CABIN1: variants seen among roughly 807,000 people sequenced by gnomAD.
CABIN1 encodes the protein calcineurin binding protein 1.
CABIN1 carries 133 observed loss-of-function variants against 227.7 expected under a neutral mutation model. That is an observed-to-expected ratio of 0.58 (90% CI 0.51 to 0.67). The LOEUF is 0.67. Ranked by LOEUF, CABIN1 falls within the 30% of genes least tolerant of loss-of-function variation. CABIN1 has a pLI of 0.00. For synonymous variants in CABIN1, 1,086 were observed against 1,155.1 expected (o/e 0.94, Z 1.21); for missense variants, 2,408 against 2,852.5 (o/e 0.84, Z 3.55).
chr22:24,132,195 C>T (rs781144517), intron 28 of CABIN1, among the ~76,000 whole-genome samples: 5 of 152,208 alleles, frequency 3.3e-5, no homozygotes, highest in Non-Finnish European at 4.4e-5. Context: ...AACCAAGTGT[C>T]GCAGTGGGTC....
chr22:24,018,366 T>C (rs2035459658), intron 1 of CABIN1, among the ~76,000 whole-genome samples: 1 of 152,190 alleles, frequency 6.6e-6, no homozygotes, highest in Non-Finnish European at 1.5e-5. Context: ...TATTTGGCCC[T>C]TCTCTACTAC....
At chr22:24,015,180 C>T (rs1023691836) in intron 1 of CABIN1, among the ~76,000 whole-genome samples, 3 of 141,576 alleles carry the variant, frequency 2.1e-5, no homozygotes, top group Non-Finnish European at 4.5e-5. Flanking sequence ...GCTGGAGAAT[C>T]GCTTGAACCT....
At chr22:24,158,840 C>G (rs1037109082) in intron 29 of CABIN1, among the ~76,000 whole-genome samples, 4 of 152,186 alleles carry the variant, frequency 2.6e-5, no homozygotes, top group African/African-American at 9.7e-5. Flanking sequence ...CATAAACTCT[C>G]CAATGCCTAC....
In CABIN1 at chr22:24,012,879, G is replaced by C. The variant is rs191346830; in HGVS notation, c.-75+1512G>C. On this transcript the variant is annotated intron_variant, in intron 1 of 36. Coordinates refer to ENST00000263119, the MANE Select transcript of CABIN1 (RefSeq NM_012295.4). Reference sequence around the variant, plus strand: ...GGGTTCAAGCAGTTCTCCTGTCTCGGCCTCCCGAGTAGCTGGGACTACAGA... The same window carrying C: ...GGGTTCAAGCAGTTCTCCTGTCTCGCCCTCCCGAGTAGCTGGGACTACAGA... 7.2e-5 allele frequency among the ~76,000 whole-genome samples: 11 copies of C among 151,972 alleles called. No homozygotes were observed. The East Asian group carries it at 2.1e-3, about 30-fold the overall frequency.
At chr22:24,117,971 C>T (rs920548946) in intron 27 of CABIN1, among the ~76,000 whole-genome samples, 4 of 152,284 alleles carry the variant, frequency 2.6e-5, no homozygotes, top group South Asian at 2.1e-4. Context: ...AGCTGTGGGA[C>T]GCAGGCAACT....
At position 24,177,186 on chromosome 22, in the gene CABIN1, G is replaced by T. The variant is rs1296807235; in HGVS notation, c.6206-318G>T. Among the ~76,000 whole-genome samples, 1 of 152,202 alleles carries T rather than the reference G, an allele frequency of 6.6e-6. No homozygotes were observed. The highest frequency in any genetic ancestry group is 1.5e-5 in the Non-Finnish European group (1 of 68,028). On this transcript the variant is annotated intron_variant, in intron 35 of 36. Coordinates refer to ENST00000263119, the MANE Select transcript of CABIN1 (RefSeq NM_012295.4). This position sits in a 1 kb window ranked among gnomAD's most constrained non-coding sequence, Gnocchi z 4.4. ...CATCCTAGGATGGTTGTGGAAATAC[G>T]ACAGTTCATGCAAGCATGATGCCTG...
At chr22:24,056,641 A>G (rs1445831071) in intron 10 of CABIN1, 3 of 424,768 alleles carry the variant, frequency 7.1e-6, no homozygotes, top group Admixed American at 7.8e-5. Flanking sequence ...TTTACAAGAC[A>G]TCTATTTGTT....
intron 5 of CABIN1, among the ~76,000 whole-genome samples, chr22:24,042,662 T>G (rs143689013): frequency 6.3e-4 from 96 of 152,294 alleles, no homozygotes; most frequent in African/African-American, 2.3e-3. Context: ...TCACTCTAGA[T>G]CTTGGAAACG....
chr22:24,019,258 G>C (rs757409235), intron 1 of CABIN1, among the ~76,000 whole-genome samples: 4 of 150,456 alleles, frequency 2.7e-5, no homozygotes, highest in Non-Finnish European at 5.9e-5. Context: ...AGCCTCCTGA[G>C]TAGCTGGGAT....
In CABIN1 at chr22:24,091,752, A is replaced by G; in HGVS notation, c.3695A>G (p.Gln1232Arg). 6.2e-7 allele frequency: 1 copy of G among 1,614,082 alleles called. No individual in the cohort carries two copies. Among genetic ancestry groups the G allele is most frequent in the South Asian group, 1.1e-5 (1 of 91,084 alleles). Residue 1232 changes from glutamine (Q) to arginine (R), a missense_variant, in exon 24 of 37, where the codon CAG becomes CGG. Coordinates refer to ENST00000263119, the MANE Select transcript of CABIN1 (RefSeq NM_012295.4). The part of the protein sequence containing the change: ...PPTVYLLHYR[Q>R]AGHYLHEEAA... ...ACCGTTTACTTGCTGCACTACAGGC[A>G]GGCTGGCCACTACCTGCACGAGGAG...
intron 26 of CABIN1, among the ~76,000 whole-genome samples, chr22:24,105,655 C>A (rs1008340051): frequency 1.3e-5 from 2 of 152,152 alleles, no homozygotes; most frequent in African/African-American, 4.8e-5. Flanking sequence ...TCTCTCCACC[C>A]AGCCCCATAG....
intron 29 of CABIN1, among the ~76,000 whole-genome samples, chr22:24,139,804 G>GCCCA (rs890194742): frequency 2.6e-5 from 4 of 152,188 alleles, no homozygotes; most frequent in African/African-American, 9.6e-5. Flanking sequence ...CAGAGGAGAT[G>GCCCA]CCCACATGAA....
At chr22:24,145,371 A>G (rs1389163121) in intron 29 of CABIN1, among the ~76,000 whole-genome samples, 2 of 152,222 alleles carry the variant, frequency 1.3e-5, no homozygotes, top group South Asian at 2.1e-4. Context: ...TCTACATACA[A>G]TGGCTTGTTG....
intron 26 of CABIN1, among the ~76,000 whole-genome samples, chr22:24,111,481 T>C (rs1303878110): frequency 6.6e-6 from 1 of 152,226 alleles, no homozygotes; most frequent in Non-Finnish European, 1.5e-5. Context: ...GGATCTAGGT[T>C]GTGCGCTCCT....
In CABIN1 at chr22:24,087,447, C is replaced by T; in HGVS notation, c.3264-5C>T. On this transcript the variant is annotated splice_region_variant and splice_polypyrimidine_tract_variant and intron_variant, in intron 22 of 36. Coordinates refer to ENST00000263119, the MANE Select transcript of CABIN1 (RefSeq NM_012295.4). The stretch of plus-strand genomic sequence containing the variant: ...TTTTAGCTGGTGCTTTTGTTACCAC[C>T]ACAGGTTTGATTCCTGGGCAGGCAT... The T allele has an allele frequency of 6.2e-7, 1 of 1,613,680 alleles. No individual in the cohort carries two copies. Among genetic ancestry groups the T allele is most frequent in the Non-Finnish European group, 8.5e-7 (1 of 1,180,030 alleles).
In CABIN1 at chr22:24,110,231, T is replaced by A. The variant is rs929454204; in HGVS notation, c.4118-3335T>A. On this transcript the variant is annotated intron_variant, in intron 26 of 36. Coordinates refer to ENST00000263119, the MANE Select transcript of CABIN1 (RefSeq NM_012295.4). ...TTGGTTTATTATAGTATCATTTTTT[T>A]AAAAAAATGTAGTTGTTGCCTTAGG... is the stretch of plus-strand genomic sequence containing the variant. Among the ~76,000 whole-genome samples, 23 of 152,314 alleles carry A rather than the reference T, an allele frequency of 1.5e-4. 1 individual carries two copies. Among genetic ancestry groups the A allele is most frequent in the South Asian group, 8.3e-4 (4 of 4,822 alleles).
chr22:24,062,697 A>C lies in CABIN1; in HGVS notation c.1697-262A>C, dbSNP rs1041682274. ...TAAACTACCACCTGGTGGAATGTAG[A>C]TATACTCAATGCTGTCTGTAAAATT... On this transcript the variant is annotated intron_variant, in intron 13 of 36. Coordinates refer to ENST00000263119, the MANE Select transcript of CABIN1 (RefSeq NM_012295.4). Among the ~76,000 whole-genome samples, 3 of 152,172 alleles carry C rather than the reference A, an allele frequency of 2.0e-5. No individual in the cohort carries two copies. The East Asian group carries it at 5.8e-4, about 29-fold the overall frequency.
chr22:24,035,378 C>G, intron 1 of CABIN1, 66 bp from the exon 2 acceptor site: 1 of 1,089,612 alleles, frequency 9.2e-7, no homozygotes, highest in South Asian at 1.3e-5. Context: ...TCCTGGTGGA[C>G]CTTGGCACTG....
intron 1 of CABIN1, among the ~76,000 whole-genome samples, chr22:24,012,216 G>A (rs2034868536): frequency 6.6e-6 from 1 of 152,136 alleles, no homozygotes; most frequent in Non-Finnish European, 1.5e-5. Flanking sequence ...TGTGGATACA[G>A]CCAAAGACAA....
Sources: allele counts gnomAD v4.1 joint callset (sites outside exome capture counted in the v4.1 genomes callset), GRCh38; gene constraint gnomAD v4.1.1; non-coding constraint Gnocchi (gnomAD v3.1); transcripts MANE v1.5; gene names NCBI Gene and HGNC (gene_info 2026-07-23, HGNC 2026-07-21).